AHCYL1: variants seen among roughly 807,000 people sequenced by gnomAD.
AHCYL1 encodes the protein adenosylhomocysteinase like 1, also known as S-adenosylhomocysteine hydrolase-like protein 1.
A neutral mutation model predicts 79.3 loss-of-function variants in AHCYL1; 20 were observed. The ratio of observed to expected loss-of-function variants is 0.25; its 90% CI spans 0.18 to 0.37. The LOEUF is 0.37. AHCYL1 is among the 10% of genes least tolerant of loss of function. The probability of loss-of-function intolerance (pLI) is 1.00; values close to 1 mark genes in which losing one functional copy is unlikely to be tolerated. For synonymous variants in AHCYL1, 223 were observed against 242.2 expected, an observed-to-expected ratio of 0.92 and a Z score of 0.74; for missense variants, 330 against 673.6, an observed-to-expected ratio of 0.49 and a Z score of 5.65.
At chr1:110,009,249 C>A in intron 2 of AHCYL1, 104 bp downstream of exon 2, 1 of 984,650 alleles carries the variant, frequency 1.0e-6, no homozygotes, top group Non-Finnish European at 1.5e-6. Flanking sequence ...TGACTGCCCA[C>A]CTTTGTGCTG....
At chr1:110,011,748 G>A (rs1474599330) in intron 3 of AHCYL1, among the ~76,000 whole-genome samples, 1 of 152,190 alleles carries the variant, frequency 6.6e-6, no homozygotes, top group Non-Finnish European at 1.5e-5. Flanking sequence ...AGGGTTTTAA[G>A]GTAAGGATGT....
At chr1:110,018,167 TA>T in intron 11 of AHCYL1, 151 bp downstream of exon 11, 2 of 1,047,036 alleles carry the variant, frequency 1.9e-6, no homozygotes, top group Non-Finnish European at 2.8e-6. Context: ...TTTTCCAGAG[TA>T]AAAAACTTTT....
chr1:110,014,051 T>G (rs970934041), intron 5 of AHCYL1, among the ~76,000 whole-genome samples: 8 of 152,088 alleles, frequency 5.3e-5, no homozygotes, highest in African/African-American at 1.9e-4. Context: ...TCTGCCTGCC[T>G]TGGCCTCCCA....
intron 7 of AHCYL1, among the ~76,000 whole-genome samples, chr1:110,016,053 G>T (rs1651399059): frequency 6.6e-6 from 1 of 151,420 alleles, no homozygotes; most frequent in African/African-American, 2.4e-5. Context: ...GGTTTCTATT[G>T]AAAAATGCTG....
At chr1:110,019,233 T>A in intron 14 of AHCYL1, 114 bp downstream of exon 14, 1 of 1,110,278 alleles carries the variant, frequency 9.0e-7, no homozygotes, top group Non-Finnish European at 1.3e-6. Flanking sequence ...TTTTTTGATG[T>A]AATAAATTGT....
At position 110,012,885 on chromosome 1, in the gene AHCYL1, A is replaced by G. The variant is rs1190158738; in HGVS notation, c.478-12A>G. Reference sequence around the variant, plus strand: ...TCTCTTCCTCACCCTGTCTTCCTACACTTCTACACAGGTGTTGATTGAGAC... The same window carrying G: ...TCTCTTCCTCACCCTGTCTTCCTACGCTTCTACACAGGTGTTGATTGAGAC... On this transcript the variant is annotated splice_polypyrimidine_tract_variant and intron_variant, in intron 4 of 16. Coordinates refer to ENST00000369799, the MANE Select transcript of AHCYL1 (RefSeq NM_006621.7). 2 of 1,599,278 alleles carry G rather than the reference A, an allele frequency of 1.3e-6. No individual in the cohort carries two copies. The highest frequency in any genetic ancestry group is 2.2e-5 in the East Asian group (1 of 44,498).
chr1:109,986,746 T>C (rs1033314179), intron 1 of AHCYL1, among the ~76,000 whole-genome samples: 4 of 152,244 alleles, frequency 2.6e-5, no homozygotes, highest in Non-Finnish European at 4.4e-5. Context: ...GTCTATATCG[T>C]AGATTGTAAA....
chr1:110,008,782 C>T (rs1262053911), intron 1 of AHCYL1, among the ~76,000 whole-genome samples: 4 of 152,094 alleles, frequency 2.6e-5, no homozygotes, highest in Non-Finnish European at 1.5e-5. Flanking sequence ...ATATACTAAA[C>T]GAAATTGGTT....
At chr1:110,007,545 C>T (rs1650733391) in intron 1 of AHCYL1, among the ~76,000 whole-genome samples, 1 of 152,128 alleles carries the variant, frequency 6.6e-6, no homozygotes, top group Non-Finnish European at 1.5e-5. Context: ...TCTGGTGCTC[C>T]CCTAGCTGAA....
intron 3 of AHCYL1, 40 bp from the exon 4 acceptor site, chr1:110,012,322 G>T: frequency 6.4e-7 from 1 of 1,572,082 alleles, no homozygotes; most frequent in Non-Finnish European, 8.7e-7. Flanking sequence ...TGATGATACT[G>T]CTAGTGCAGA....
chr1:110,011,531 G>T (rs1447022128), intron 3 of AHCYL1, among the ~76,000 whole-genome samples, 174 bp downstream of exon 3: 2 of 152,170 alleles, frequency 1.3e-5, no homozygotes, highest in African/African-American at 2.4e-5. Context: ...TTGGGATTTT[G>T]TTCTCTCTTC....
chr1:110,000,016 G>T (rs922202309), intron 1 of AHCYL1, among the ~76,000 whole-genome samples: 2 of 152,280 alleles, frequency 1.3e-5, no homozygotes, highest in South Asian at 2.1e-4. Flanking sequence ...TAGTTTAAAA[G>T]AAATTATCTG....
At position 110,020,811 on chromosome 1, in the gene AHCYL1, G is replaced by A. The variant is rs758770392; in HGVS notation, c.1546G>A (p.Gly516Arg). 6.2e-7 allele frequency: 1 copy of A among 1,613,016 alleles called. No individual in the cohort carries two copies. Among genetic ancestry groups the A allele is most frequent in the African/African-American group, 1.3e-5 (1 of 74,786 alleles). Residue 516 changes from glycine to arginine, a missense_variant, in exon 16 of 17, where the codon GGA (glycine) becomes AGA (arginine). Gly to Arg is a moderately radical substitution (Grantham distance 125). Transcript: ENST00000369799. ...ELTDDQAKYL[G>R]LNKNGPFKPN... Reference sequence around the variant, plus strand: ...GACAGATGACCAAGCAAAATATCTGGGACTCAACAAAAATGGGCCATTCAA... The same window carrying A: ...GACAGATGACCAAGCAAAATATCTGAGACTCAACAAAAATGGGCCATTCAA...
intron 1 of AHCYL1, among the ~76,000 whole-genome samples, chr1:110,004,866 T>G (rs986960564): frequency 6.6e-6 from 1 of 152,166 alleles, no homozygotes; most frequent in Non-Finnish European, 1.5e-5. Context: ...GAAGAAAAAA[T>G]AAATTAACCA....
At chr1:109,996,678 G>C (rs1469401398) in intron 1 of AHCYL1, among the ~76,000 whole-genome samples, 1 of 152,240 alleles carries the variant, frequency 6.6e-6, no homozygotes, top group Admixed American at 6.5e-5. Flanking sequence ...GACTGGCAAC[G>C]CAGTAGGTTT....
intron 6 of AHCYL1, 42 bp downstream of exon 6, chr1:110,014,899 T>G: frequency 6.5e-7 from 1 of 1,549,070 alleles, no homozygotes; most frequent in Non-Finnish European, 8.9e-7. Flanking sequence ...AATAGATTTA[T>G]TTCCTTTTTT....
intron 1 of AHCYL1, among the ~76,000 whole-genome samples, chr1:110,005,521 A>T (rs1650592289): frequency 6.6e-6 from 1 of 152,164 alleles, no homozygotes. Context: ...GTAGCACTGG[A>T]TACTTAGTTG....
chr1:110,015,385 C>A, intron 6 of AHCYL1, 40 bp from the exon 7 acceptor site: 2 of 1,539,462 alleles, frequency 1.3e-6, no homozygotes, highest in Non-Finnish European at 1.8e-6. Flanking sequence ...CCAGCCCTAG[C>A]AGCCTGAATG....
chr1:109,984,987 G>A lies in AHCYL1; in HGVS notation c.-66G>A, dbSNP rs374954261. 29 of 1,387,578 alleles carry A rather than the reference G, an allele frequency of 2.1e-5. No individual in the cohort carries two copies. The East Asian group carries it at 4.5e-4, about 22-fold the overall frequency. The allele number at this position is 1,387,578 out of a possible 1,614,324, so 86.0% of individuals were successfully genotyped here. ...GTCGGAGGGCGCCGCGCGGGCAGGC[G>A]GGCGGGCGCCAGAGGGGGAAAGAGG... is the stretch of plus-strand genomic sequence containing the variant. On this transcript the variant is annotated 5_prime_UTR_variant, in exon 1 of 17. Coordinates refer to ENST00000369799, the MANE Select transcript of AHCYL1 (RefSeq NM_006621.7).
Sources: gnomAD v4.1 joint callset for allele counts (sites outside exome capture counted in the v4.1 genomes callset) on GRCh38, gnomAD v4.1.1 for gene constraint, MANE v1.5 for transcripts, NCBI Gene and HGNC (gene_info 2026-07-23, HGNC 2026-07-21) for gene names.